The following MYBPC1 variants were observed in gnomAD, a reference collection of about 807,000 sequenced individuals.
MYBPC1 encodes myosin-binding protein C, slow-type.
A neutral mutation model predicts 147.1 loss-of-function variants in MYBPC1; 52 were observed. The observed-to-expected ratio is 0.35, with a 90% CI of 0.28 to 0.45. The LOEUF is 0.45. MYBPC1 is among the 20% of genes least tolerant of loss of function. The pLI, the probability that MYBPC1 is intolerant of heterozygous loss-of-function variation, is 1.00. For missense variants in MYBPC1, 1,228 were observed against 1,440.3 expected, an observed-to-expected ratio of 0.85 and a Z score of 2.39; for synonymous variants, 477 against 475.9, an observed-to-expected ratio of 1.00 and a Z score of -0.03.
At chr12:101,624,712 GGA>G (rs1350910799) in intron 3 of MYBPC1, among the ~76,000 whole-genome samples, 1 of 72,090 alleles carries the variant, frequency 1.4e-5, no homozygotes, top group Non-Finnish European at 2.8e-5. Flanking sequence ...TTTTTTTTAC[GGA>G]GAGAGTCTTG....
At chr12:101,666,775 G>A (rs762096422) in intron 22 of MYBPC1, 8 of 1,613,722 alleles carry the variant, frequency 5.0e-6, no homozygotes, top group African/African-American at 1.3e-5. Flanking sequence ...ATGAAAATGG[G>A]GAGGCTGCCT....
intron 21 of MYBPC1, 79 bp from the exon 22 acceptor site, chr12:101,663,347 C>T (rs537052523): frequency 8.1e-7 from 1 of 1,233,942 alleles, no homozygotes; most frequent in South Asian, 1.2e-5. Flanking sequence ...TATTTGTATC[C>T]CCATTGGTTT....
At chr12:101,691,058 G>C in the MYBPC1 span, among the ~76,000 whole-genome samples, 1 of 152,076 alleles carries the variant, frequency 6.6e-6, no homozygotes, top group African/African-American at 2.4e-5. Context: ...AGCCTAGCCA[G>C]GTGATTTATT....
intron 10 of MYBPC1, among the ~76,000 whole-genome samples, chr12:101,640,770 C>T (rs1891860963): frequency 6.6e-6 from 1 of 152,146 alleles, no homozygotes; most frequent in Non-Finnish European, 1.5e-5. Context: ...ATCTCCTCCC[C>T]TCCCCTGCAT....
At chr12:101,657,544 G>A (rs992446711) in intron 18 of MYBPC1, among the ~76,000 whole-genome samples, 1 of 152,154 alleles carries the variant, frequency 6.6e-6, no homozygotes, top group Non-Finnish European at 1.5e-5. Flanking sequence ...TAAAAGGATA[G>A]TTAAGGAATA....
At position 101,635,486 on chromosome 12, in the gene MYBPC1, T is replaced by C. The variant is rs559406343; in HGVS notation, c.608+881T>C. Among the ~76,000 whole-genome samples, 29 of 152,332 alleles carry C rather than the reference T, an allele frequency of 1.9e-4. No homozygotes were observed. In the East Asian group the frequency reaches 4.8e-3, roughly 25 times the overall value. ...ACTTTAATTACTTTGAAAAGTTATT[T>C]AATATTACTGGTATTAGGTATTTTT... is the stretch of plus-strand genomic sequence containing the variant. On this transcript the variant is annotated intron_variant, in intron 9 of 31. Coordinates refer to ENST00000361466, the MANE Select transcript of MYBPC1 (RefSeq NM_002465.4).
intron 3 of MYBPC1, among the ~76,000 whole-genome samples, chr12:101,623,311 C>T (rs1473562069): frequency 6.6e-6 from 1 of 152,146 alleles, no homozygotes; most frequent in Non-Finnish European, 1.5e-5. Flanking sequence ...TGCACTCCAG[C>T]CTGGGCGATA....
chr12:101,615,898 T>C (rs1362352599), intron 2 of MYBPC1, among the ~76,000 whole-genome samples: 1 of 152,136 alleles, frequency 6.6e-6, no homozygotes, highest in Non-Finnish European at 1.5e-5. Flanking sequence ...TGTTTTCTTT[T>C]TTCTTTTCTT....
At chr12:101,652,865 A>G (rs1894774666) in intron 17 of MYBPC1, 81 bp downstream of exon 17, 1 of 1,286,742 alleles carries the variant, frequency 7.8e-7, no homozygotes, top group Admixed American at 1.7e-5. Context: ...AATATATTCA[A>G]AACTAAGTGA....
intron 1 of MYBPC1, among the ~76,000 whole-genome samples, chr12:101,598,847 G>T (rs1420037877): frequency 6.6e-6 from 1 of 152,162 alleles, no homozygotes; most frequent in Non-Finnish European, 1.5e-5. Flanking sequence ...CTTCTAAAGT[G>T]CTGAGACTAC....
chr12:101,644,914 G>A (rs751702249), intron 12 of MYBPC1, 118 bp downstream of exon 12: 72 of 1,024,292 alleles, frequency 7.0e-5, no homozygotes, highest in Non-Finnish European at 9.8e-5. Context: ...AAATCATATG[G>A]AGAGAGAGTA....
At chr12:101,637,599 T>G (rs987853546) in intron 10 of MYBPC1, among the ~76,000 whole-genome samples, 2 of 152,126 alleles carry the variant, frequency 1.3e-5, no homozygotes, top group Non-Finnish European at 2.9e-5. Context: ...TAATTTTAAA[T>G]TAATTGTATA....
At chr12:101,661,672 T>G (rs1451367692) in intron 20 of MYBPC1, among the ~76,000 whole-genome samples, 2 of 152,004 alleles carry the variant, frequency 1.3e-5, no homozygotes, top group Admixed American at 1.3e-4. Flanking sequence ...GTGGATCACT[T>G]GAAGCTAGGA....
At chr12:101,676,767 T>A (rs1454670063) in intron 26 of MYBPC1, among the ~76,000 whole-genome samples, 2 of 150,838 alleles carry the variant, frequency 1.3e-5, no homozygotes, top group Non-Finnish European at 3.0e-5. Flanking sequence ...AAAAAAAAAA[T>A]AATAATGTTA....
downstream of MYBPC1, among the ~76,000 whole-genome samples, chr12:101,689,927 C>G (rs1367871931): frequency 6.6e-6 from 1 of 152,230 alleles, no homozygotes; most frequent in Non-Finnish European, 1.5e-5. Context: ...GTAATCCCAG[C>G]ACTTTGGGAG....
At chr12:101,661,880 G>A (rs1196257528) in intron 20 of MYBPC1, among the ~76,000 whole-genome samples, 2 of 127,844 alleles carry the variant, frequency 1.6e-5, no homozygotes, top group African/African-American at 5.8e-5. Context: ...CTGGGCAACA[G>A]AGTGAGACTC....
intron 13 of MYBPC1, among the ~76,000 whole-genome samples, chr12:101,647,354 C>G (rs1454060437): frequency 6.6e-6 from 1 of 152,190 alleles, no homozygotes; most frequent in Non-Finnish European, 1.5e-5. Context: ...ACCCTGAGAT[C>G]TCTGTCATCC....
At chr12:101,606,328 G>A (rs1253888499) in intron 1 of MYBPC1, among the ~76,000 whole-genome samples, 1 of 152,006 alleles carries the variant, frequency 6.6e-6, no homozygotes, top group Non-Finnish European at 1.5e-5. Flanking sequence ...ATTTGTTAGA[G>A]AATATGAGTG....
At position 101,644,749 on chromosome 12, in the gene MYBPC1, G is replaced by A. The variant is rs775392132; in HGVS notation, c.918G>A (p.Leu306=). 6.2e-7 allele frequency: 1 copy of A among 1,614,086 alleles called. No individual in the cohort carries two copies. The highest frequency in any genetic ancestry group is 1.1e-5 in the South Asian group (1 of 91,076). Residue 306 remains leucine (L), a synonymous_variant, in exon 12 of 32, where the codon TTG becomes TTA. Transcript: ENST00000361466. ...TTGTGGAGCTGGCAGATCCAAAGTTGGAGGTGAAATGGTATAAAAATGGTC... is the reference window on the plus strand; with the variant it reads ...TTGTGGAGCTGGCAGATCCAAAGTTAGAGGTGAAATGGTATAAAAATGGTC... The part of the protein sequence containing the change: ...RFVVELADPK[L]EVKWYKNGQE...
Sources: allele counts gnomAD v4.1 joint callset (sites outside exome capture counted in the v4.1 genomes callset), GRCh38; gene constraint gnomAD v4.1.1; transcripts MANE v1.5; gene names NCBI Gene and HGNC (gene_info 2026-07-23, HGNC 2026-07-21).